Variants in MAGI1 observed in about 807,000 individuals in gnomAD.
MAGI1 encodes the protein membrane associated guanylate kinase, WW and PDZ domain containing 1, also known as membrane-associated guanylate kinase, WW and PDZ domain-containing protein 1.
In MAGI1, 58 loss-of-function variants were observed where a neutral mutation model predicts 139.9. That is an observed-to-expected ratio of 0.41 (90% CI 0.34 to 0.52). The LOEUF (loss-of-function observed/expected upper bound fraction) is 0.52, where lower values mean the gene tolerates loss of function less well. MAGI1 is among the 20% of genes least tolerant of loss of function. The pLI is 0.12. For missense variants in MAGI1, 1,874 were observed against 1,901.6 expected (o/e 0.99, Z 0.27); for synonymous variants, 812 against 737.9 (o/e 1.10, Z -1.63).
intron 1 of MAGI1, among the ~76,000 whole-genome samples, chr3:65,759,782 A>G (rs753389062): frequency 4.6e-5 from 7 of 152,190 alleles, no homozygotes; most frequent in Non-Finnish European, 1.0e-4. Context: ...TAAAACTGAT[A>G]GAGTCTATAC....
intron 1 of MAGI1, among the ~76,000 whole-genome samples, chr3:66,023,872 G>A (rs1428239462): frequency 6.6e-6 from 1 of 152,140 alleles, no homozygotes; most frequent in Non-Finnish European, 1.5e-5. Context: ...TTTGCACCCA[G>A]TTCTAAGACC....
chr3:65,738,136 G>C (rs914230447), intron 1 of MAGI1, among the ~76,000 whole-genome samples: 1 of 152,142 alleles, frequency 6.6e-6, no homozygotes, highest in Non-Finnish European at 1.5e-5. Context: ...TATCCTCAGA[G>C]AATACTTATA....
intron 9 of MAGI1, among the ~76,000 whole-genome samples, 157 bp from the exon 10 acceptor site, chr3:65,437,404 C>CT (rs5849667): frequency 7.2e-6 from 1 of 138,676 alleles, no homozygotes; most frequent in Admixed American, 7.2e-5. Context: ...CTATGAAGCT[C>CT]TTTTTTTTTT....
At chr3:65,450,388 T>C (rs886307400) in intron 6 of MAGI1, among the ~76,000 whole-genome samples, 2 of 152,146 alleles carry the variant, frequency 1.3e-5, no homozygotes, top group Non-Finnish European at 2.9e-5. Flanking sequence ...AAATAGTGAA[T>C]GGATCCAAGA....
At position 65,595,143 on chromosome 3, in the gene MAGI1, C is replaced by T. The variant is rs574693801; in HGVS notation, c.430+26829G>A. On this transcript the variant is annotated intron_variant, in intron 2 of 22. Transcript: ENST00000402939. The stretch of plus-strand genomic sequence containing the variant: ...TCTTCTTTTTCCACTCCTCTACCCC[C>T]ATCCATATGCCAAGAATGAATAGAA... 1.1e-4 allele frequency among the ~76,000 whole-genome samples: 17 copies of T among 152,272 alleles called. No homozygotes were observed. In the South Asian group the frequency reaches 3.3e-3, roughly 30 times the overall value.
At chr3:65,774,106 T>TAAAA in intron 1 of MAGI1, among the ~76,000 whole-genome samples, 1 of 146,828 alleles carries the variant, frequency 6.8e-6, no homozygotes, top group Middle Eastern at 3.5e-3. Flanking sequence ...ACTGGCTAGT[T>TAAAA]AAAAAAAAAA....
intron 1 of MAGI1, among the ~76,000 whole-genome samples, chr3:65,882,762 A>G (rs1284562369): frequency 6.6e-6 from 1 of 151,838 alleles, no homozygotes; most frequent in Non-Finnish European, 1.5e-5. Flanking sequence ...GTGAAACCCC[A>G]TCTCTACAGA....
At chr3:65,786,961 C>T (rs1559882534) in intron 1 of MAGI1, among the ~76,000 whole-genome samples, 1 of 152,064 alleles carries the variant, frequency 6.6e-6, no homozygotes, top group East Asian at 1.9e-4. Flanking sequence ...CATTGTGTTA[C>T]CTTTTGTATT....
intron 2 of MAGI1, among the ~76,000 whole-genome samples, chr3:65,557,147 TC>T (rs2080124382): frequency 6.6e-6 from 1 of 152,184 alleles, no homozygotes. Flanking sequence ...TGTATTGTCT[TC>T]CCACAGCGCA....
intron 1 of MAGI1, among the ~76,000 whole-genome samples, chr3:65,943,285 T>A (rs1261427846): frequency 6.6e-6 from 1 of 151,926 alleles, no homozygotes; most frequent in Non-Finnish European, 1.5e-5. Flanking sequence ...AAAAAGAAAA[T>A]CATCTCAGGG....
chr3:65,714,801 C>T (rs767436948), intron 1 of MAGI1, among the ~76,000 whole-genome samples: 2 of 152,100 alleles, frequency 1.3e-5, no homozygotes, highest in African/African-American at 2.4e-5. Flanking sequence ...TGAACACACA[C>T]ACACCCCCCA....
chr3:65,649,489 A>G (rs1172022649), intron 1 of MAGI1, among the ~76,000 whole-genome samples: 1 of 152,214 alleles, frequency 6.6e-6, no homozygotes, highest in Non-Finnish European at 1.5e-5. Context: ...CGGAAAAAAT[A>G]ATGAACTGGG....
chr3:65,801,877 C>T (rs2040536019), intron 1 of MAGI1, among the ~76,000 whole-genome samples: 1 of 152,130 alleles, frequency 6.6e-6, no homozygotes, highest in Non-Finnish European at 1.5e-5. Flanking sequence ...AGCCACACAG[C>T]AGGATGGGGG....
intron 2 of MAGI1, among the ~76,000 whole-genome samples, chr3:65,599,325 G>A (rs1178058999): frequency 1.3e-5 from 2 of 152,138 alleles, no homozygotes; most frequent in Admixed American, 6.5e-5. Flanking sequence ...ATGCAGTATC[G>A]GCTGGATTTC....
intron 1 of MAGI1, among the ~76,000 whole-genome samples, chr3:65,998,340 C>T (rs560299586): frequency 4.9e-4 from 75 of 152,260 alleles, no homozygotes; most frequent in African/African-American, 1.7e-3. Context: ...GAGAATACTT[C>T]ATGCTGAATG....
At chr3:65,778,444 AT>A (rs143761543) in intron 1 of MAGI1, among the ~76,000 whole-genome samples, 11,386 of 147,074 alleles carry the variant, frequency 0.077, 1,083 homozygotes, top group African/African-American at 0.11. Context: ...AAAAAAAAAA[AT>A]AAATAAATAA....
At chr3:65,524,168 A>G (rs2078282886) in intron 2 of MAGI1, among the ~76,000 whole-genome samples, 1 of 152,216 alleles carries the variant, frequency 6.6e-6, no homozygotes, top group African/African-American at 2.4e-5. Context: ...AATCTTTCAC[A>G]ACGAACATTT....
At chr3:65,690,418 T>A (rs1408583752) in intron 1 of MAGI1, among the ~76,000 whole-genome samples, 1 of 152,184 alleles carries the variant, frequency 6.6e-6, no homozygotes, top group Non-Finnish European at 1.5e-5. Flanking sequence ...TTTAAAATGC[T>A]TTTTTAAAAA....
At chr3:65,830,341 CAGAG>C (rs1302713627) in intron 1 of MAGI1, among the ~76,000 whole-genome samples, 1 of 151,086 alleles carries the variant, frequency 6.6e-6, no homozygotes, top group Non-Finnish European at 1.5e-5. Context: ...AAAAAAAACA[CAGAG>C]AGAGAGAAAG....
Sources: gnomAD v4.1 joint callset for allele counts (sites outside exome capture counted in the v4.1 genomes callset) on GRCh38, gnomAD v4.1.1 for gene constraint, MANE v1.5 for transcripts, NCBI Gene and HGNC (gene_info 2026-07-23, HGNC 2026-07-21) for gene names.